HK1: variants seen among roughly 807,000 people sequenced by gnomAD.
HK1 encodes the protein hexokinase-1.
A neutral mutation model predicts 91.6 loss-of-function variants in HK1; 28 were observed. The ratio of observed to expected loss-of-function variants is 0.31; its 90% confidence interval spans 0.23 to 0.42. The LOEUF (loss-of-function observed/expected upper bound fraction) is 0.42, where lower values mean the gene tolerates loss of function less well. HK1 is among the 10% of genes least tolerant of loss of function. The probability of loss-of-function intolerance (pLI) is 1.00; values close to 1 mark genes in which losing one functional copy is unlikely to be tolerated. For missense variants in HK1, 770 were observed against 1,219.8 expected, an observed-to-expected ratio of 0.63 and a Z score of 5.49; for synonymous variants, 430 against 468.1, an observed-to-expected ratio of 0.92 and a Z score of 1.05.
chr10:69,302,397 CAG>C (rs1845920129), intron 5 of HK1, among the ~76,000 whole-genome samples: 2 of 139,650 alleles, frequency 1.4e-5, no homozygotes, highest in Admixed American at 7.2e-5. Flanking sequence ...TTTTTTGAGA[CAG>C]AGTCTCACTC....
At chr10:69,362,437 T>G (rs11591962) in intron 3 of HK1, among the ~76,000 whole-genome samples, 4,814 of 137,434 alleles carry the variant, frequency 0.035, 109 homozygotes, top group African/African-American at 0.085. Flanking sequence ...AAATAATGTT[T>G]TTTTTTTTTT....
chr10:69,384,973 G>A (rs1839565499), intron 12 of HK1, 58 bp downstream of exon 12: 2 of 1,603,404 alleles, frequency 1.2e-6, no homozygotes, highest in Non-Finnish European at 1.7e-6. Flanking sequence ...CTGTGGCCTG[G>A]GTGGGCTGGC....
At chr10:69,325,930 G>A (rs891594813) in intron 1 of HK1, among the ~76,000 whole-genome samples, 2 of 151,276 alleles carry the variant, frequency 1.3e-5, no homozygotes, top group Admixed American at 6.6e-5. Flanking sequence ...TGCCTGCCAG[G>A]TTCAAGCGAT....
At chr10:69,295,646 A>G (rs756586423) in exon 4 of HK1, 2 of 1,609,906 alleles carry the variant, frequency 1.2e-6, no homozygotes, top group South Asian at 2.2e-5. Flanking sequence ...ACAGCAGCTG[A>G]AAAACCAAAA....
chr10:69,352,250 C>T (rs1426280973), intron 2 of HK1, among the ~76,000 whole-genome samples: 1 of 152,168 alleles, frequency 6.6e-6, no homozygotes, highest in Non-Finnish European at 1.5e-5. Flanking sequence ...GCCTCAGCCT[C>T]CCAAAGTTCT....
intron 4 of HK1, among the ~76,000 whole-genome samples, chr10:69,299,329 G>C (rs1564763424): frequency 6.6e-6 from 1 of 150,534 alleles, no homozygotes; most frequent in Non-Finnish European, 1.5e-5. Flanking sequence ...GTACCAGCCT[G>C]CCCATTTTTT....
Position 69,401,423 on chromosome 10 carries a change from T to C in HK1, c.*288T>C. 1 of 516,094 alleles carries C rather than the reference T, an allele frequency of 1.9e-6. No homozygotes were observed. Among genetic ancestry groups the C allele is most frequent in the South Asian group, 2.0e-5 (1 of 49,298 alleles). 32.0% of individuals were successfully genotyped at this position (516,094 alleles called of 1,614,324 possible). ...TGTAGTGGCATCCATTTCTAATGTA[T>C]GCATTCATCCAACAGAGTTATTTAT... On this transcript the variant is annotated 3_prime_UTR_variant, in exon 18 of 18. Transcript: ENST00000359426.
chr10:69,364,245 T>G (rs1849580171), intron 3 of HK1, among the ~76,000 whole-genome samples: 1 of 152,184 alleles, frequency 6.6e-6, no homozygotes, highest in African/African-American at 2.4e-5. Context: ...ACTCTGCACT[T>G]AGGATGTGTG....
chr10:69,369,596 C>T lies in HK1; in HGVS notation c.847C>T (p.Arg283Trp), dbSNP rs1298482371. Residue 283 changes from arginine to tryptophan, a missense_variant, in exon 7 of 18, where the codon CGG becomes TGG. Arg to Trp is a moderately radical substitution (Grantham distance 101). Around this residue, in one of 7 missense-constraint regions of HK1, gnomAD observed 449 missense variants for 665.1 expected, o/e 0.68. Transcript: ENST00000359426. This position sits in a 1 kb window ranked among gnomAD's most constrained non-coding sequence, Gnocchi z 4.4. ...GACAGAGTTTGACAGGGAGATAGAC[C>T]GGGGATCCCTCAACCCTGGAAAACA... Reference protein sequence around the residue: ...IRTEFDREIDRGSLNPGKQLF... With the variant: ...IRTEFDREIDWGSLNPGKQLF... 2 of 1,614,110 alleles carry T rather than the reference C, an allele frequency of 1.2e-6. No individual in the cohort carries two copies. Among genetic ancestry groups the T allele is most frequent in the South Asian group, 1.1e-5 (1 of 91,080 alleles).
chr10:69,272,348 C>T (rs1472817), intron 1 of HK1, among the ~76,000 whole-genome samples: 58,151 of 151,946 alleles, frequency 0.38, 11,401 homozygotes, highest in South Asian at 0.51. Context: ...TCTCTGATGC[C>T]CAGGTTATTA....
Position 69,389,203 on chromosome 10 carries a change from G to A in HK1, c.1942G>A (p.Asp648Asn). ...RDAIKRREEFDLDVVAVVNDT... is the reference protein window; with the variant it reads ...RDAIKRREEFNLDVVAVVNDT... ...TGTCCCTTTCTTTGCAAAGGAATTT[G>A]ACCTGGACGTGGTGGCTGTGGTCAA... Residue 648 changes from aspartate (D) to asparagine (N), a missense_variant, in exon 14 of 18, where the codon GAC becomes AAC. By Grantham distance (23) the Asp-to-Asn change is conservative. Transcript: ENST00000359426. 6.2e-7 allele frequency: 1 copy of A among 1,613,734 alleles called. No homozygotes were observed. The highest frequency in any genetic ancestry group is 8.5e-7 in the Non-Finnish European group (1 of 1,179,674).
At chr10:69,355,278 T>C (rs574402249) in intron 2 of HK1, among the ~76,000 whole-genome samples, 1 of 152,292 alleles carries the variant, frequency 6.6e-6, no homozygotes, top group African/African-American at 2.4e-5. Flanking sequence ...ATAAGTCAGC[T>C]TTATTGTTAA....
intron 1 of HK1, among the ~76,000 whole-genome samples, chr10:69,320,974 C>G (rs1353536598): frequency 6.6e-6 from 1 of 152,212 alleles, no homozygotes; most frequent in Non-Finnish European, 1.5e-5. Flanking sequence ...CATCCCTCCT[C>G]ACTCCGAGTT....
At chr10:69,274,599 A>C (rs10823328) in intron 1 of HK1, among the ~76,000 whole-genome samples, 29,159 of 151,918 alleles carry the variant, frequency 0.19, 3,499 homozygotes, top group Non-Finnish European at 0.26. Context: ...CAAAAAAAAA[A>C]AAAACAGTTT....
chr10:69,395,134 GC>G (rs1564570799), intron 16 of HK1, 29 bp downstream of exon 16: 1 of 1,609,904 alleles, frequency 6.2e-7, no homozygotes, highest in East Asian at 2.2e-5. Flanking sequence ...CCCTGCCAGC[GC>G]CCACCCTTCA....
intron 1 of HK1, among the ~76,000 whole-genome samples, chr10:69,335,084 C>T (rs1847909923): frequency 6.6e-6 from 1 of 152,140 alleles, no homozygotes; most frequent in South Asian, 2.1e-4. Flanking sequence ...TAGATCAGGG[C>T]TGCCTCCCCT....
chr10:69,383,806 A>AG (rs1468514842), intron 10 of HK1, among the ~76,000 whole-genome samples: 1 of 152,160 alleles, frequency 6.6e-6, no homozygotes, highest in Non-Finnish European at 1.5e-5. Flanking sequence ...TGCGAGGGAG[A>AG]GGGGAAGACT....
rs540053061 is a variant in HK1 at position 69,328,387 on chromosome 10, G to A, written c.63+9377G>A. On this transcript the variant is annotated intron_variant, in intron 1 of 17. Coordinates refer to ENST00000359426, the MANE Select transcript of HK1 (RefSeq NM_000188.3). ...GCATTCAGTGCCTACTAGGCGCCCG[G>A]CTTTTCTTTTTCTTAGCAGGGGTCT... 6.6e-5 allele frequency among the ~76,000 whole-genome samples: 10 copies of A among 152,330 alleles called. No individual in the cohort carries two copies. In the East Asian group the frequency reaches 1.9e-3, roughly 29 times the overall value.
chr10:69,283,928 C>T (rs530471895), intron 2 of HK1, among the ~76,000 whole-genome samples: 78 of 152,114 alleles, frequency 5.1e-4, no homozygotes, highest in South Asian at 1.9e-3. Context: ...CAGAGAGAGG[C>T]AAACACTTTC....
Sources: gnomAD v4.1 joint callset for allele counts (sites outside exome capture counted in the v4.1 genomes callset) on GRCh38, gnomAD v4.1.1 for gene constraint, gnomAD v4.1.1 regional missense constraint, Gnocchi (gnomAD v3.1) non-coding constraint, MANE v1.5 for transcripts, NCBI Gene and HGNC (gene_info 2026-07-23, HGNC 2026-07-21) for gene names.